Variants in FMN1 observed in about 807,000 individuals in gnomAD.
FMN1 encodes the protein formin-1.
FMN1 carries 110 observed loss-of-function variants against 132.4 expected under a neutral mutation model. The observed-to-expected ratio is 0.83, with a 90% confidence interval of 0.71 to 0.97. The LOEUF (loss-of-function observed/expected upper bound fraction) is 0.97. Ranked by LOEUF, FMN1 falls within the 50% of genes least tolerant of loss-of-function variation. The pLI, the probability that FMN1 is intolerant of heterozygous loss-of-function variation, is 0.00. For missense variants in FMN1, 1,792 were observed against 1,705.3 expected (o/e 1.05, Z -0.90); for synonymous variants, 722 against 651.7 (o/e 1.11, Z -1.64).
chr15:33,002,109 C>A (rs1008562482), intron 7 of FMN1, among the ~76,000 whole-genome samples: 2 of 152,120 alleles, frequency 1.3e-5, no homozygotes, highest in Non-Finnish European at 2.9e-5. Context: ...TCTTTAAATT[C>A]TATGAAAACA....
At chr15:33,166,306 C>T (rs1327926323) in intron 3 of FMN1, among the ~76,000 whole-genome samples, 1 of 149,162 alleles carries the variant, frequency 6.7e-6, no homozygotes, top group African/African-American at 2.5e-5. Flanking sequence ...GTACCACTGG[C>T]ACTCACTTTT....
intron 7 of FMN1, among the ~76,000 whole-genome samples, chr15:32,971,741 A>G (rs1248503808): frequency 1.3e-5 from 2 of 152,208 alleles, no homozygotes; most frequent in Non-Finnish European, 2.9e-5. Context: ...AGTTTCAAAG[A>G]CATACTGCAT....
In FMN1 at chr15:33,174,541, A is replaced by C. The variant is rs1212096493; in HGVS notation, c.-132+5657T>G. Among the ~76,000 whole-genome samples, 25 of 152,234 alleles carry C rather than the reference A, an allele frequency of 1.6e-4. 1 individual carries two copies. Among genetic ancestry groups the C allele is most frequent in the Admixed American group, 1.6e-3 (25 of 15,286 alleles). On this transcript the variant is annotated intron_variant, in intron 3 of 20. Transcript: ENST00000616417. ...TAAGCTGTATTCCATAATACTCCAA[A>C]TCATAAATTTTTCGTTTCAAATACA...
intron 6 of FMN1, among the ~76,000 whole-genome samples, chr15:33,051,167 A>C (rs1435801010): frequency 6.6e-6 from 1 of 152,152 alleles, no homozygotes; most frequent in African/African-American, 2.4e-5. Context: ...CCATTCTCTG[A>C]ATTAGGTATG....
At chr15:33,099,437 C>G (rs958323632) in intron 4 of FMN1, among the ~76,000 whole-genome samples, 1 of 152,176 alleles carries the variant, frequency 6.6e-6, no homozygotes, top group East Asian at 1.9e-4. Context: ...GTGATTGCTA[C>G]ATGATGCTCA....
intron 6 of FMN1, among the ~76,000 whole-genome samples, chr15:33,053,549 G>A (rs2037076538): frequency 1.3e-5 from 2 of 152,118 alleles, no homozygotes; most frequent in African/African-American, 4.8e-5. Context: ...TCATTTTGGA[G>A]GCCAATAGCA....
At chr15:33,187,998 G>C (rs909219783) in intron 2 of FMN1, among the ~76,000 whole-genome samples, 7 of 152,118 alleles carry the variant, frequency 4.6e-5, no homozygotes, top group Admixed American at 1.3e-4. Context: ...AGCTGGATTT[G>C]TACATCATGC....
chr15:33,014,166 C>T (rs915382351), intron 6 of FMN1, among the ~76,000 whole-genome samples: 8 of 152,212 alleles, frequency 5.3e-5, no homozygotes, highest in African/African-American at 1.9e-4. Context: ...TGAATGCTCA[C>T]TTTGAGAGTT....
At position 32,931,459 on chromosome 15, in the gene FMN1, T is replaced by A. The variant is rs377709057; in HGVS notation, c.3139-5198A>T. Among the ~76,000 whole-genome samples, 23 of 152,330 alleles carry A rather than the reference T, an allele frequency of 1.5e-4. No homozygotes were observed. In the South Asian group the frequency reaches 4.8e-3, roughly 32 times the overall value. On this transcript the variant is annotated intron_variant, in intron 9 of 20. Transcript: ENST00000616417. ...GTATTTCATTTTTTTGGATGTTACT[T>A]TAAATGAAATTGTTTTCTTAATTTC...
intron 6 of FMN1, among the ~76,000 whole-genome samples, chr15:33,051,381 T>A (rs563549819): frequency 6.6e-6 from 1 of 152,284 alleles, no homozygotes; most frequent in South Asian, 2.1e-4. Flanking sequence ...AACTTTCTAG[T>A]CCTGGTTCTG....
chr15:33,190,484 T>G (rs1966035723), intron 2 of FMN1, among the ~76,000 whole-genome samples: 1 of 152,174 alleles, frequency 6.6e-6, no homozygotes, highest in African/African-American at 2.4e-5. Flanking sequence ...GAGGTCCATA[T>G]TTTTCCTTAT....
At chr15:33,072,486 A>T (rs762311266) in intron 5 of FMN1, among the ~76,000 whole-genome samples, 7 of 152,242 alleles carry the variant, frequency 4.6e-5, no homozygotes, top group Non-Finnish European at 1.0e-4. Flanking sequence ...TGTTAAAAAC[A>T]ATCAGTACCT....
At chr15:33,145,369 G>A (rs1309178077) in intron 4 of FMN1, among the ~76,000 whole-genome samples, 12 of 151,590 alleles carry the variant, frequency 7.9e-5, no homozygotes, top group African/African-American at 1.2e-4. Context: ...CTTTCACACC[G>A]TGCTTCCATA....
intron 16 of FMN1, among the ~76,000 whole-genome samples, chr15:32,885,501 T>C (rs959051532): frequency 2.0e-5 from 3 of 152,198 alleles, no homozygotes; most frequent in African/African-American, 7.2e-5. Flanking sequence ...ACTGGCAAAT[T>C]ACTTGAGCAC....
At chr15:32,977,580 T>C (rs1273387220) in intron 7 of FMN1, among the ~76,000 whole-genome samples, 1 of 152,206 alleles carries the variant, frequency 6.6e-6, no homozygotes, top group Non-Finnish European at 1.5e-5. Context: ...ATTTTATATA[T>C]GTCTGAAATG....
chr15:33,024,628 A>G (rs1465248615), intron 6 of FMN1, among the ~76,000 whole-genome samples: 1 of 152,210 alleles, frequency 6.6e-6, no homozygotes, highest in Non-Finnish European at 1.5e-5. Flanking sequence ...TGATGGGAGC[A>G]TTAACTGCAA....
At chr15:32,929,252 A>G (rs1322966808) in intron 9 of FMN1, among the ~76,000 whole-genome samples, 2 of 152,202 alleles carry the variant, frequency 1.3e-5, no homozygotes, top group Non-Finnish European at 2.9e-5. Context: ...TAAATTTTCA[A>G]AAAGATCCTT....
At chr15:33,013,066 T>C (rs1480795371) in intron 6 of FMN1, 1 of 405,232 alleles carries the variant, frequency 2.5e-6, no homozygotes, top group Admixed American at 2.9e-5. Flanking sequence ...CAGAAGATTT[T>C]AATTACTGCC....
chr15:32,942,243 A>C (rs2061417252), intron 9 of FMN1, among the ~76,000 whole-genome samples: 1 of 152,202 alleles, frequency 6.6e-6, no homozygotes, highest in Non-Finnish European at 1.5e-5. Context: ...ATTATTCCTC[A>C]CATATGTGAA....
Sources: gnomAD v4.1 joint callset for allele counts (sites outside exome capture counted in the v4.1 genomes callset) on GRCh38, gnomAD v4.1.1 for gene constraint, MANE v1.5 for transcripts, NCBI Gene and HGNC (gene_info 2026-07-23, HGNC 2026-07-21) for gene names.